TRIM44: variants seen among roughly 807,000 people sequenced by gnomAD.
TRIM44 encodes the protein tripartite motif-containing protein 44.
Under a neutral mutation model 37.4 loss-of-function variants are expected in TRIM44, and 13 were observed. That is an observed-to-expected ratio of 0.35 (90% CI 0.23 to 0.55). The LOEUF (loss-of-function observed/expected upper bound fraction) is 0.55. Ranked by LOEUF, TRIM44 falls within the 20% of genes least tolerant of loss-of-function variation. TRIM44 has a pLI of 0.89. For missense variants in TRIM44, 426 were observed against 437.2 expected, an observed-to-expected ratio of 0.97 and a Z score of 0.23; for synonymous variants, 175 against 157.2, an observed-to-expected ratio of 1.11 and a Z score of -0.85.
chr11:35,756,869 G>A (rs962104144), intron 4 of TRIM44, among the ~76,000 whole-genome samples: 1 of 152,184 alleles, frequency 6.6e-6, no homozygotes, highest in Non-Finnish European at 1.5e-5. Flanking sequence ...CTTGATCATG[G>A]TGGATAAGCT....
chr11:35,687,571 C>A (rs1851596552), intron 2 of TRIM44, among the ~76,000 whole-genome samples: 1 of 152,182 alleles, frequency 6.6e-6, no homozygotes, highest in African/African-American at 2.4e-5. Flanking sequence ...TTATAATTAG[C>A]AGTGCAGTGA....
chr11:35,663,271 A>G lies in TRIM44; in HGVS notation c.160A>G (p.Ser54Gly). 6.2e-7 allele frequency: 1 copy of G among 1,612,720 alleles called. No homozygotes were observed. The highest frequency in any genetic ancestry group is 8.5e-7 in the Non-Finnish European group (1 of 1,178,858). ...HAEAHRQKFL[S>G]HHLAEYVHGS... ...CGAGGCGCACAGGCAGAAGTTCCTC[A>G]GTCACCATCTGGCCGAATACGTCCA... Residue 54 changes from serine (S) to glycine (G), a missense_variant, in exon 1 of 5, where the codon AGT (serine) becomes GGT (glycine). Transcript: ENST00000299413.
intron 4 of TRIM44, among the ~76,000 whole-genome samples, chr11:35,766,561 A>G (rs1036683720): frequency 2.0e-5 from 3 of 152,240 alleles, no homozygotes; most frequent in Non-Finnish European, 4.4e-5. Context: ...TGTCCATTCC[A>G]AAACAAATTC....
intron 4 of TRIM44, among the ~76,000 whole-genome samples, chr11:35,795,781 G>T (rs1023386080): frequency 6.6e-6 from 1 of 152,056 alleles, no homozygotes; most frequent in African/African-American, 2.4e-5. Context: ...ACTTCCAGTC[G>T]ATCTCACTCT....
rs112688346 is a variant in TRIM44, at chr11:35,715,404, ATGTGTGTG to A, written c.748-10501_748-10494del. On this transcript the variant is annotated intron_variant, in intron 2 of 4. Coordinates refer to ENST00000299413, the MANE Select transcript of TRIM44 (RefSeq NM_017583.6). ...TGAGCCTATATTATTCTCTCTGTGT[ATGTGTGTG>A]TGTGTGTGTGTGTGTGTGGGTGTGG... Among the ~76,000 whole-genome samples the A allele has an allele frequency of 5.5e-5, 8 of 144,796 alleles. No homozygotes were observed. The South Asian group carries it at 6.7e-4, about 12-fold the overall frequency. 95.0% of individuals were successfully genotyped at this position (144,796 alleles called of 152,430 possible).
intron 3 of TRIM44, among the ~76,000 whole-genome samples, chr11:35,734,392 A>G (rs1024757178): frequency 6.6e-6 from 1 of 152,252 alleles, no homozygotes; most frequent in Non-Finnish European, 1.5e-5. Context: ...TAAGAAAGGC[A>G]AAATAACATG....
At chr11:35,751,786 A>G (rs952017260) in intron 4 of TRIM44, among the ~76,000 whole-genome samples, 8 of 152,206 alleles carry the variant, frequency 5.3e-5, no homozygotes, top group African/African-American at 1.9e-4. Context: ...CAGAAATAAC[A>G]AAGGAAACAA....
intron 1 of TRIM44, among the ~76,000 whole-genome samples, chr11:35,670,734 T>C (rs1480787318): frequency 6.6e-6 from 1 of 152,226 alleles, no homozygotes; most frequent in African/African-American, 2.4e-5. Context: ...CATCCTTGAT[T>C]GTATGTTACA....
chr11:35,728,258 G>A lies in TRIM44; in HGVS notation c.987+2095G>A, dbSNP rs549851663. Among the ~76,000 whole-genome samples, 20 of 152,258 alleles carry A rather than the reference G, an allele frequency of 1.3e-4. No homozygotes were observed. The South Asian group carries it at 3.1e-3, about 24-fold the overall frequency. On this transcript the variant is annotated intron_variant, in intron 3 of 4. Coordinates refer to ENST00000299413, the MANE Select transcript of TRIM44 (RefSeq NM_017583.6). ...GAAGAATCGCTTGAACCCAGGAGGT[G>A]GAGGTTGCAGTGAGCCAAGATTGCA...
rs1476766433 is a variant in TRIM44 at position 35,713,066 on chromosome 11, C to T, written c.748-12858C>T. Among the ~76,000 whole-genome samples, 8 of 152,292 alleles carry T rather than the reference C, an allele frequency of 5.3e-5. No individual in the cohort carries two copies. In the East Asian group the frequency reaches 1.5e-3, roughly 29 times the overall value. ...TCAGATCTATATGTAGATGCTTATA[C>T]ATATATATAAATATAAAATTTGAGA... On this transcript the variant is annotated intron_variant, in intron 2 of 4. Transcript: ENST00000299413.
chr11:35,744,023 C>T (rs1852451544), intron 4 of TRIM44, among the ~76,000 whole-genome samples: 2 of 152,134 alleles, frequency 1.3e-5, no homozygotes, highest in Non-Finnish European at 2.9e-5. Flanking sequence ...GTTGTAAGCA[C>T]CCTGTGCACA....
chr11:35,792,733 CAAAG>C (rs770630858), intron 4 of TRIM44, among the ~76,000 whole-genome samples: 86 of 152,274 alleles, frequency 5.6e-4, no homozygotes, highest in Admixed American at 1.3e-3. Context: ...GCTCAAGTGA[CAAAG>C]ACTGACTTTT....
intron 4 of TRIM44, among the ~76,000 whole-genome samples, chr11:35,760,464 C>T (rs116853135): frequency 0.012 from 1,781 of 152,332 alleles, 11 homozygotes; most frequent in Non-Finnish European, 0.017. Flanking sequence ...ATGCCTCGCC[C>T]TGCTTAAGCT....
intron 4 of TRIM44, among the ~76,000 whole-genome samples, chr11:35,745,338 G>T (rs559839177): frequency 1.8e-4 from 27 of 152,232 alleles, no homozygotes; most frequent in Non-Finnish European, 5.9e-5. Context: ...GGAGAAGGGC[G>T]TATTCATGCC....
chr11:35,791,072 C>G (rs1187133412), intron 4 of TRIM44, among the ~76,000 whole-genome samples: 1 of 152,148 alleles, frequency 6.6e-6, no homozygotes, highest in Non-Finnish European at 1.5e-5. Context: ...GTCCCTGGCC[C>G]AGACTTTAGA....
Position 35,755,778 on chromosome 11 carries a change from T to C in TRIM44, c.1007+20333T>C, listed in dbSNP as rs1410017952. 2.0e-5 allele frequency among the ~76,000 whole-genome samples: 3 copies of C among 152,222 alleles called. No individual in the cohort carries two copies. The East Asian group carries it at 5.8e-4, about 29-fold the overall frequency. ...AAATAGGGAATCCTTTCCCCATTGC[T>C]TGTTTTTCTCAGGTTTGTCAAAGAT... On this transcript the variant is annotated intron_variant, in intron 4 of 4. Transcript: ENST00000299413.
intron 4 of TRIM44, among the ~76,000 whole-genome samples, chr11:35,736,590 G>A (rs1021121909): frequency 5.3e-5 from 8 of 151,926 alleles, no homozygotes; most frequent in African/African-American, 1.9e-4. Flanking sequence ...CTCTTTCTTA[G>A]CGCCAAATGT....
At chr11:35,752,630 A>G (rs1261593215) in intron 4 of TRIM44, among the ~76,000 whole-genome samples, 1 of 152,154 alleles carries the variant, frequency 6.6e-6, no homozygotes, top group African/African-American at 2.4e-5. Context: ...ATAAAGCCTC[A>G]CAAAATGAGG....
intron 4 of TRIM44, among the ~76,000 whole-genome samples, chr11:35,780,403 C>G (rs1418389773): frequency 6.6e-6 from 1 of 152,172 alleles, no homozygotes; most frequent in East Asian, 1.9e-4. Flanking sequence ...GCTAGACTCC[C>G]TTATACAGCA....
Sources: allele counts gnomAD v4.1 joint callset (sites outside exome capture counted in the v4.1 genomes callset), GRCh38; gene constraint gnomAD v4.1.1; transcripts MANE v1.5; gene names NCBI Gene and HGNC (gene_info 2026-07-23, HGNC 2026-07-21).